Variants in GRIK4 observed in about 807,000 individuals in gnomAD.
GRIK4 encodes glutamate receptor ionotropic, kainate 4.
A neutral mutation model predicts 104.9 loss-of-function variants in GRIK4; 40 were observed. That is an observed-to-expected ratio of 0.38 (90% CI 0.30 to 0.50). The LOEUF is 0.50. Ranked by LOEUF, GRIK4 falls within the 20% of genes least tolerant of loss-of-function variation. GRIK4 has a pLI of 0.93. For missense variants in GRIK4, 1,047 were observed against 1,308.1 expected (o/e 0.80, Z 3.08); for synonymous variants, 485 against 524.9 (o/e 0.92, Z 1.04).
chr11:120,770,709 A>G (rs931401971), intron 3 of GRIK4, among the ~76,000 whole-genome samples: 2 of 152,076 alleles, frequency 1.3e-5, no homozygotes, highest in African/African-American at 4.8e-5. Context: ...TGTATACTTA[A>G]CCTCTAATGT....
chr11:120,750,522 G>A (rs950586835), intron 3 of GRIK4, among the ~76,000 whole-genome samples: 3 of 149,410 alleles, frequency 2.0e-5, no homozygotes, highest in East Asian at 2.0e-4. Flanking sequence ...ATGTGCCACC[G>A]TGCTTGGTTA....
At chr11:120,808,919 G>T (rs1052381272) in intron 4 of GRIK4, among the ~76,000 whole-genome samples, 13 of 152,252 alleles carry the variant, frequency 8.5e-5, no homozygotes, top group African/African-American at 3.1e-4. Flanking sequence ...GGCCAGGGTT[G>T]TTTGCCATCT....
intron 1 of GRIK4, among the ~76,000 whole-genome samples, chr11:120,526,078 G>A (rs1947852928): frequency 6.6e-6 from 1 of 152,202 alleles, no homozygotes; most frequent in African/African-American, 2.4e-5. Flanking sequence ...AATAGAAGCT[G>A]GGATAGCAGT....
At chr11:120,700,901 G>C (rs1413898641) in intron 3 of GRIK4, among the ~76,000 whole-genome samples, 1 of 152,122 alleles carries the variant, frequency 6.6e-6, no homozygotes, top group Non-Finnish European at 1.5e-5. Flanking sequence ...CCATATTACT[G>C]CATTTTTACT....
chr11:120,517,662 T>G (rs1328840298), intron 1 of GRIK4, among the ~76,000 whole-genome samples: 1 of 152,092 alleles, frequency 6.6e-6, no homozygotes, highest in African/African-American at 2.4e-5. Context: ...AAGGCCGGGC[T>G]AGGATTGCTG....
chr11:120,634,088 A>C (rs550229562), intron 1 of GRIK4, among the ~76,000 whole-genome samples: 2 of 152,258 alleles, frequency 1.3e-5, no homozygotes, highest in Non-Finnish European at 2.9e-5. Context: ...TCATTTCTAA[A>C]ATGGGGCTCT....
rs146454909 is a variant in GRIK4 at position 120,751,462 on chromosome 11, T to A, written c.83-51231T>A. On this transcript the variant is annotated intron_variant, in intron 3 of 20. Transcript: ENST00000527524. The stretch of plus-strand genomic sequence containing the variant: ...TAAAATAAATAAAATAAATGGCCGA[T>A]AAGGCTGCCAAGCAGACTCCCATAA... 5.3e-4 allele frequency among the ~76,000 whole-genome samples: 80 copies of A among 152,328 alleles called. 1 individual carries two copies. The highest frequency in any genetic ancestry group is 7.2e-4 in the Admixed American group (11 of 15,308).
intron 13 of GRIK4, among the ~76,000 whole-genome samples, chr11:120,909,524 T>C (rs1565432793): frequency 1.3e-5 from 2 of 152,172 alleles, no homozygotes; most frequent in African/African-American, 2.4e-5. Context: ...CTCTCACTTA[T>C]GCAGCACATG....
intron 1 of GRIK4, among the ~76,000 whole-genome samples, chr11:120,639,467 C>T (rs922595169): frequency 6.6e-6 from 1 of 152,164 alleles, no homozygotes; most frequent in Admixed American, 6.5e-5. Flanking sequence ...CCTGCCTTTT[C>T]CTTCCTCTAA....
rs1180216707 is a variant in GRIK4, at chr11:120,753,430, C to G, written c.83-49263C>G. Among the ~76,000 whole-genome samples, 5 of 152,138 alleles carry G rather than the reference C, an allele frequency of 3.3e-5. No individual in the cohort carries two copies. The East Asian group carries it at 9.7e-4, about 29-fold the overall frequency. ...CTAGAACCTAATTCTACCTTTGTCA[C>G]TCATTGGCTGAGCGGCCTCAGACAA... On this transcript the variant is annotated intron_variant, in intron 3 of 20. Transcript: ENST00000527524.
intron 8 of GRIK4, among the ~76,000 whole-genome samples, chr11:120,854,439 G>T (rs1040470824): frequency 6.6e-6 from 1 of 152,244 alleles, no homozygotes; most frequent in Non-Finnish European, 1.5e-5. Flanking sequence ...AGAGATTTCA[G>T]AGGTCACAGA....
intron 1 of GRIK4, among the ~76,000 whole-genome samples, chr11:120,621,515 T>C (rs1393488225): frequency 6.6e-6 from 1 of 152,164 alleles, no homozygotes; most frequent in East Asian, 1.9e-4. Flanking sequence ...CCCAGAGCCC[T>C]GGCAGTGAGG....
At chr11:120,695,462 A>G (rs1468748971) in intron 3 of GRIK4, among the ~76,000 whole-genome samples, 1 of 152,218 alleles carries the variant, frequency 6.6e-6, no homozygotes, top group Admixed American at 6.5e-5. Context: ...CTCTGTTTCC[A>G]TAGAGGAGTG....
intron 12 of GRIK4, among the ~76,000 whole-genome samples, chr11:120,904,113 C>T (rs1942811511): frequency 6.6e-6 from 1 of 152,150 alleles, no homozygotes; most frequent in Admixed American, 6.5e-5. Flanking sequence ...TGCCCTTTCT[C>T]AACTCTTCCC....
chr11:120,520,396 C>T (rs945663238), intron 1 of GRIK4, among the ~76,000 whole-genome samples: 1 of 152,226 alleles, frequency 6.6e-6, no homozygotes, highest in Non-Finnish European at 1.5e-5. Context: ...GAGAGGGTCA[C>T]TGGCAGTATT....
At chr11:120,716,606 A>G (rs1950839923) in intron 3 of GRIK4, among the ~76,000 whole-genome samples, 1 of 152,156 alleles carries the variant, frequency 6.6e-6, no homozygotes, top group Non-Finnish European at 1.5e-5. Context: ...AAAAGGTGCA[A>G]AGAGAACTAA....
intron 4 of GRIK4, among the ~76,000 whole-genome samples, chr11:120,813,098 C>T (rs991488749): frequency 4.6e-5 from 7 of 152,046 alleles, no homozygotes; most frequent in African/African-American, 1.4e-4. Flanking sequence ...ACGAGGTGGG[C>T]GGGGGGACCT....
chr11:120,564,162 C>T (rs1414156139), intron 1 of GRIK4, among the ~76,000 whole-genome samples: 2 of 152,114 alleles, frequency 1.3e-5, no homozygotes, highest in Non-Finnish European at 2.9e-5. Context: ...AGCTCCCTCT[C>T]CCCACGTGCG....
chr11:120,558,719 A>C (rs191496080), intron 1 of GRIK4, among the ~76,000 whole-genome samples: 1 of 152,370 alleles, frequency 6.6e-6, no homozygotes, highest in African/African-American at 2.4e-5. Context: ...AAATTAACAA[A>C]GTGAGTAGAT....
Sources: allele counts gnomAD v4.1 joint callset (sites outside exome capture counted in the v4.1 genomes callset), GRCh38; gene constraint gnomAD v4.1.1; transcripts MANE v1.5; gene names NCBI Gene and HGNC (gene_info 2026-07-23, HGNC 2026-07-21).